TXK: variants seen among roughly 807,000 people sequenced by gnomAD.
TXK encodes tyrosine-protein kinase TXK.
Under a neutral mutation model 81.0 loss-of-function variants are expected in TXK, and 60 were observed. The observed-to-expected ratio is 0.74, with a 90% confidence interval of 0.60 to 0.92. The LOEUF (loss-of-function observed/expected upper bound fraction) is 0.92, where lower values mean the gene tolerates loss of function less well. TXK is among the 40% of genes least tolerant of loss of function. TXK has a pLI of 0.00. For missense variants in TXK, 581 were observed against 638.3 expected (o/e 0.91, Z 0.97); for synonymous variants, 203 against 210.7 (o/e 0.96, Z 0.32).
rs367648658 is a variant in TXK, at chr4:48,077,276, G to A, written c.1174-810C>T. On this transcript the variant is annotated intron_variant, in intron 11 of 14. Transcript: ENST00000264316. ...TTGATTATTTAGCCTCATGTAGGTAGATAAACTATTTGATAGAATTTTCCT... is the reference window on the plus strand; with the variant it reads ...TTGATTATTTAGCCTCATGTAGGTAAATAAACTATTTGATAGAATTTTCCT... 3.7e-5 allele frequency among the ~76,000 whole-genome samples: 3 copies of A among 81,038 alleles called. No homozygotes were observed. In the Admixed American group the frequency reaches 3.9e-4, roughly 10 times the overall value. 53.2% of individuals were successfully genotyped at this position (81,038 alleles called of 152,430 possible). A position where few individuals can be genotyped will look rare whatever the true frequency, so the allele number is the denominator to read the frequency against.
chr4:48,092,169 G>A (rs1717802369), intron 8 of TXK, among the ~76,000 whole-genome samples: 1 of 152,178 alleles, frequency 6.6e-6, no homozygotes, highest in Non-Finnish European at 1.5e-5. Flanking sequence ...GTGAAGTTCA[G>A]GGCCTGCGGG....
Position 48,080,070 on chromosome 4 carries a change from G to A in TXK, c.1015C>T (p.Leu339Phe), listed in dbSNP as rs1416853673. 1.2e-6 allele frequency: 2 copies of A among 1,614,094 alleles called. No homozygotes were observed. Among genetic ancestry groups the A allele is most frequent in the East Asian group, 2.2e-5 (1 of 44,858 alleles). ...LYGVCIQRKP[L>F]YIVTEFMENG... ...TCCATGAACTCTGTCACAATGTAAA[G>A]GGGCTTCCGCTGTATACAGACTCCA... The change falls in exon 11 of 15, where the codon CTT (leucine) becomes TTT (phenylalanine). Residue 339 changes from leucine (L) to phenylalanine (F), a missense_variant. Coordinates refer to ENST00000264316, the MANE Select transcript of TXK (RefSeq NM_003328.3).
At chr4:48,115,387 T>C (rs764407074) in intron 1 of TXK, among the ~76,000 whole-genome samples, 36 of 152,172 alleles carry the variant, frequency 2.4e-4, no homozygotes, top group Non-Finnish European at 1.0e-4. Context: ...AACTCATTCG[T>C]TTTTATGGCT....
chr4:48,109,342 T>G (rs371281870), intron 5 of TXK: 1 of 152,146 alleles, frequency 6.6e-6, no homozygotes, highest in South Asian at 2.1e-4. Context: ...TGTTTTCAAT[T>G]TTTAAAAATT....
At chr4:48,122,433 T>C (rs1319411618) in intron 1 of TXK, among the ~76,000 whole-genome samples, 1 of 152,240 alleles carries the variant, frequency 6.6e-6, no homozygotes, top group Non-Finnish European at 1.5e-5. Context: ...AAATCTCATC[T>C]TCTAAGTGAA....
intron 6 of TXK, among the ~76,000 whole-genome samples, chr4:48,097,165 G>C (rs990355847): frequency 6.6e-6 from 1 of 151,978 alleles, no homozygotes; most frequent in African/African-American, 2.4e-5. Context: ...AAAAATAATA[G>C]ATAAACTGCT....
intron 1 of TXK, among the ~76,000 whole-genome samples, chr4:48,115,013 G>C (rs961482490): frequency 6.7e-6 from 1 of 148,312 alleles, no homozygotes; most frequent in Non-Finnish European, 1.5e-5. Context: ...AGGAATCTAG[G>C]TATTGGTATT....
At chr4:48,091,005 T>A (rs186008826) in intron 8 of TXK, among the ~76,000 whole-genome samples, 1 of 152,230 alleles carries the variant, frequency 6.6e-6, no homozygotes, top group Non-Finnish European at 1.5e-5. Flanking sequence ...TCTAGGTAGA[T>A]TCCCAAAGAT....
chr4:48,082,890 T>C (rs1717364523), intron 10 of TXK, among the ~76,000 whole-genome samples: 1 of 152,106 alleles, frequency 6.6e-6, no homozygotes, highest in Non-Finnish European at 1.5e-5. Flanking sequence ...GGGAAGATCA[T>C]CTTCCTACCC....
intron 1 of TXK, among the ~76,000 whole-genome samples, chr4:48,131,637 T>G (rs1049002093): frequency 2.6e-5 from 4 of 152,126 alleles, no homozygotes; most frequent in Non-Finnish European, 5.9e-5. Flanking sequence ...GAGAACGAGA[T>G]TTCATCAAAT....
chr4:48,097,932 AG>A (rs1435758594), intron 6 of TXK, among the ~76,000 whole-genome samples: 2 of 150,600 alleles, frequency 1.3e-5, no homozygotes, highest in Non-Finnish European at 3.0e-5. Flanking sequence ...TATTTTTAGT[AG>A]AGACGGGGTT....
intron 5 of TXK, among the ~76,000 whole-genome samples, chr4:48,107,222 T>C (rs1254050385): frequency 6.6e-6 from 1 of 151,664 alleles, no homozygotes; most frequent in African/African-American, 2.4e-5. Flanking sequence ...ATACCAAATT[T>C]TATAAGTTGA....
intron 1 of TXK, among the ~76,000 whole-genome samples, chr4:48,133,191 C>T (rs1347533255): frequency 1.3e-5 from 2 of 150,726 alleles, no homozygotes; most frequent in South Asian, 2.1e-4. Flanking sequence ...TCTGATATGA[C>T]GGCTGCCTTC....
chr4:48,119,564 C>T (rs2109479806), intron 1 of TXK, among the ~76,000 whole-genome samples: 1 of 152,296 alleles, frequency 6.6e-6, no homozygotes, highest in South Asian at 2.1e-4. Flanking sequence ...CCATTTCTCT[C>T]TTCCTTTTCC....
At chr4:48,093,012 A>G (rs951938563) in intron 8 of TXK, among the ~76,000 whole-genome samples, 11 of 152,222 alleles carry the variant, frequency 7.2e-5, no homozygotes, top group African/African-American at 2.7e-4. Context: ...ATCTAACCTC[A>G]TTTAACCTTA....
intron 1 of TXK, among the ~76,000 whole-genome samples, chr4:48,126,354 T>C (rs555762289): frequency 1.3e-5 from 2 of 152,364 alleles, no homozygotes; most frequent in African/African-American, 4.8e-5. Context: ...ATTGTAAGAA[T>C]ACAGTGTATG....
chr4:48,105,747 A>T lies in TXK; in HGVS notation c.447-792T>A, dbSNP rs1456214148. Among the ~76,000 whole-genome samples, 5 of 152,246 alleles carry T rather than the reference A, an allele frequency of 3.3e-5. No homozygotes were observed. In the East Asian group the frequency reaches 9.6e-4, roughly 29 times the overall value. On this transcript the variant is annotated intron_variant, in intron 5 of 14. Coordinates refer to ENST00000264316, the MANE Select transcript of TXK (RefSeq NM_003328.3). ...CAACCAATACATGAACTTGCCTCTA[A>T]CACCCTCTCCCGCCTCATCTCTCTC...
chr4:48,126,587 G>A (rs1236036468), intron 1 of TXK, among the ~76,000 whole-genome samples: 14 of 152,122 alleles, frequency 9.2e-5, no homozygotes, highest in African/African-American at 1.4e-4. Flanking sequence ...TGCAACCTCC[G>A]CCTCCCAGGT....
intron 14 of TXK, among the ~76,000 whole-genome samples, chr4:48,071,244 A>G (rs1352884577): frequency 6.6e-6 from 1 of 152,188 alleles, no homozygotes; most frequent in Non-Finnish European, 1.5e-5. Flanking sequence ...CTGAGGCTTG[A>G]GTAACACCAA....
Sources: gnomAD v4.1 joint callset for allele counts (sites outside exome capture counted in the v4.1 genomes callset) on GRCh38, gnomAD v4.1.1 for gene constraint, MANE v1.5 for transcripts, NCBI Gene and HGNC (gene_info 2026-07-23, HGNC 2026-07-21) for gene names.